MAGI1: variants seen among roughly 807,000 people sequenced by gnomAD.
MAGI1 encodes membrane-associated guanylate kinase, WW and PDZ domain-containing protein 1.
In MAGI1, 58 loss-of-function variants were observed where a neutral mutation model predicts 139.9. That is an observed-to-expected ratio of 0.41 (90% confidence interval 0.34 to 0.52). MAGI1 has a LOEUF of 0.52. MAGI1 is among the 20% of genes least tolerant of loss of function. The pLI, the probability that MAGI1 is intolerant of heterozygous loss-of-function variation, is 0.12. For missense variants in MAGI1, 1,874 were observed against 1,901.6 expected (o/e 0.99, Z 0.27); for synonymous variants, 812 against 737.9 (o/e 1.10, Z -1.63).
At chr3:65,357,241 G>T in intron 22 of MAGI1, 109 bp from the exon 23 acceptor site, 1 of 1,152,862 alleles carries the variant, frequency 8.7e-7, no homozygotes, top group Non-Finnish European at 1.2e-6. Flanking sequence ...GCAAACAACT[G>T]TTAAAGCAGT....
intron 1 of MAGI1, among the ~76,000 whole-genome samples, chr3:65,943,590 C>T (rs886122932): frequency 2.6e-5 from 4 of 151,402 alleles, no homozygotes; most frequent in Non-Finnish European, 5.9e-5. Flanking sequence ...AAAAAAACTT[C>T]TCAGGAAACA....
chr3:65,788,802 G>T (rs1243247338), intron 1 of MAGI1, among the ~76,000 whole-genome samples: 1 of 152,156 alleles, frequency 6.6e-6, no homozygotes, highest in Admixed American at 6.5e-5. Flanking sequence ...TGTGGGAGTT[G>T]CTCAGTGAAA....
At chr3:65,962,212 G>A (rs1346968171) in intron 1 of MAGI1, among the ~76,000 whole-genome samples, 1 of 149,740 alleles carries the variant, frequency 6.7e-6, no homozygotes, top group Non-Finnish European at 1.5e-5. Context: ...AAGCTCTGCA[G>A]TGGTTCACGC....
At chr3:65,800,963 C>G (rs1020960986) in intron 1 of MAGI1, among the ~76,000 whole-genome samples, 1 of 152,158 alleles carries the variant, frequency 6.6e-6, no homozygotes, top group East Asian at 1.9e-4. Flanking sequence ...TGGGATAAAA[C>G]AGAGTTGGAT....
intron 5 of MAGI1, among the ~76,000 whole-genome samples, chr3:65,458,491 T>G (rs992438484): frequency 1.3e-5 from 2 of 152,120 alleles, no homozygotes; most frequent in Non-Finnish European, 2.9e-5. Context: ...GCCTGTCTTT[T>G]GGATAAAACC....
chr3:65,607,668 A>T (rs2082815602), intron 2 of MAGI1, among the ~76,000 whole-genome samples: 1 of 152,152 alleles, frequency 6.6e-6, no homozygotes, highest in Non-Finnish European at 1.5e-5. Context: ...AAATTTCTTT[A>T]ATTGAGTCCT....
At chr3:65,698,619 A>G (rs1171413945) in intron 1 of MAGI1, among the ~76,000 whole-genome samples, 1 of 152,154 alleles carries the variant, frequency 6.6e-6, no homozygotes, top group African/African-American at 2.4e-5. Flanking sequence ...AAAACAAGCA[A>G]TTGGGAAAGG....
intron 1 of MAGI1, among the ~76,000 whole-genome samples, chr3:65,920,300 T>C (rs1004536043): frequency 3.3e-5 from 5 of 152,202 alleles, no homozygotes; most frequent in Admixed American, 3.3e-4. Flanking sequence ...ACCCCTGTGA[T>C]AGTCATTAAA....
At chr3:65,483,508 C>T (rs542521975) in intron 3 of MAGI1, among the ~76,000 whole-genome samples, 15 of 152,258 alleles carry the variant, frequency 9.9e-5, no homozygotes, top group Non-Finnish European at 1.6e-4. Context: ...AGACAGTATG[C>T]GCGACTTAAC....
intron 1 of MAGI1, among the ~76,000 whole-genome samples, chr3:66,008,312 A>C (rs994188340): frequency 2.6e-5 from 4 of 152,232 alleles, no homozygotes; most frequent in African/African-American, 9.6e-5. Flanking sequence ...GCATCCCCAG[A>C]TAATTCACAA....
intron 3 of MAGI1, 53 bp from the exon 4 acceptor site, chr3:65,478,851 T>A (rs1951065438): frequency 1.4e-6 from 2 of 1,414,776 alleles, no homozygotes; most frequent in Admixed American, 1.7e-5. Context: ...CTTTGTGTTT[T>A]TTTTTAAGAC....
chr3:65,553,989 T>A (rs2079971889), intron 2 of MAGI1, among the ~76,000 whole-genome samples: 1 of 152,276 alleles, frequency 6.6e-6, no homozygotes, highest in Non-Finnish European at 1.5e-5. Context: ...CTTTTCTTCG[T>A]TATTGCTCTA....
intron 1 of MAGI1, among the ~76,000 whole-genome samples, chr3:65,792,415 A>T (rs1434756929): frequency 6.6e-6 from 1 of 152,166 alleles, no homozygotes; most frequent in East Asian, 1.9e-4. Context: ...CAGTGAGCGA[A>T]GATCATGCAC....
chr3:65,562,903 T>G (rs1038270255), intron 2 of MAGI1, among the ~76,000 whole-genome samples: 1 of 152,216 alleles, frequency 6.6e-6, no homozygotes, highest in African/African-American at 2.4e-5. Context: ...GTAGATTAAC[T>G]TTTTTTGAAC....
chr3:65,389,018 A>AT (rs953200693), intron 14 of MAGI1, among the ~76,000 whole-genome samples: 7 of 150,522 alleles, frequency 4.7e-5, no homozygotes, highest in African/African-American at 1.5e-4. Flanking sequence ...TAATTTTTGT[A>AT]TTTTTTAGCA....
At chr3:65,732,177 G>C (rs2034258926) in intron 1 of MAGI1, among the ~76,000 whole-genome samples, 1 of 152,204 alleles carries the variant, frequency 6.6e-6, no homozygotes, top group Non-Finnish European at 1.5e-5. Context: ...AGAATCTAGA[G>C]AAGAAAAGTT....
intron 1 of MAGI1, among the ~76,000 whole-genome samples, chr3:65,724,471 A>G (rs1019074507): frequency 2.0e-5 from 3 of 152,236 alleles, no homozygotes; most frequent in Non-Finnish European, 4.4e-5. Context: ...TACCTGGATC[A>G]GATAAATCTA....
At chr3:65,725,924 G>A (rs771209281) in intron 1 of MAGI1, among the ~76,000 whole-genome samples, 13 of 152,038 alleles carry the variant, frequency 8.6e-5, no homozygotes, top group East Asian at 5.8e-4. Flanking sequence ...AAGTTAATTC[G>A]TCATAAAAAT....
chr3:65,446,647 C>A (rs1401719069), intron 7 of MAGI1, among the ~76,000 whole-genome samples: 1 of 152,194 alleles, frequency 6.6e-6, no homozygotes, highest in East Asian at 1.9e-4. Context: ...ATTGGCTGAA[C>A]AAATGATTAA....
Sources: gnomAD v4.1 joint callset for allele counts (sites outside exome capture counted in the v4.1 genomes callset) on GRCh38, gnomAD v4.1.1 for gene constraint, MANE v1.5 for transcripts, NCBI Gene and HGNC (gene_info 2026-07-23, HGNC 2026-07-21) for gene names.